The following PCDHGA1 variants were observed in gnomAD, a reference collection of about 807,000 sequenced individuals.
The protein encoded by PCDHGA1 is protocadherin gamma subfamily A, 1.
In PCDHGA1, 32 loss-of-function variants were observed where a neutral mutation model predicts 58.0. The observed-to-expected ratio is 0.55, with a 90% CI of 0.42 to 0.74. PCDHGA1 has a LOEUF of 0.74. Ranked by LOEUF, PCDHGA1 falls within the 30% of genes least tolerant of loss-of-function variation. The pLI is 0.00. For synonymous variants in PCDHGA1, 498 were observed against 501.1 expected (o/e 0.99, Z 0.08); for missense variants, 1,205 against 1,182.3 (o/e 1.02, Z -0.28).
intron 3 of PCDHGA1, among the ~76,000 whole-genome samples, chr5:141,509,429 T>G (rs2099876771): frequency 6.6e-6 from 1 of 151,964 alleles, no homozygotes; most frequent in Non-Finnish European, 1.5e-5. Context: ...TGAGTCAAAC[T>G]CTTGTTTCCT....
At chr5:141,420,301 C>CT (rs768732518) in intron 1 of PCDHGA1, 1 of 1,462,190 alleles carries the variant, frequency 6.8e-7, no homozygotes, top group African/African-American at 1.4e-5. Flanking sequence ...GTATTTAATC[C>CT]TTTTTATATT....
At chr5:141,383,385 G>T (rs1779091849) in intron 1 of PCDHGA1, 4 of 1,613,960 alleles carry the variant, frequency 2.5e-6, no homozygotes, top group Non-Finnish European at 3.4e-6. Context: ...ATCCAGATGT[G>T]GGCACGAACT....
At chr5:141,365,311 T>C in intron 1 of PCDHGA1, 1 of 1,613,980 alleles carries the variant, frequency 6.2e-7, no homozygotes, top group Non-Finnish European at 8.5e-7. Flanking sequence ...GAGGCGCTCT[T>C]GTTGCCAGCG....
chr5:141,418,666 G>C, intron 1 of PCDHGA1: 1 of 1,614,038 alleles, frequency 6.2e-7, no homozygotes, highest in Non-Finnish European at 8.5e-7. Context: ...CCACTGACCA[G>C]GACGAGGGCA....
In PCDHGA1 at chr5:141,487,087, C is replaced by G. The variant is rs752261507; in HGVS notation, c.2422-7720C>G. 1.2e-6 allele frequency: 2 copies of G among 1,613,890 alleles called. No homozygotes were observed. Among genetic ancestry groups the G allele is most frequent in the Non-Finnish European group, 1.7e-6 (2 of 1,179,804 alleles). ...CGGCTGTTCCTATCCCAGCTGACCT[C>G]CCACCACAGAAGCTGGTCATTGTGG... On this transcript the variant is annotated intron_variant, in intron 1 of 3. Transcript: ENST00000517417. The surrounding 1 kb of genome is among the most constrained non-coding windows in gnomAD (Gnocchi z 5.0).
At chr5:141,372,801 T>A in intron 1 of PCDHGA1, 1 of 1,594,978 alleles carries the variant, frequency 6.3e-7, no homozygotes, top group Non-Finnish European at 8.5e-7. Context: ...TTCAGGCAAT[T>A]TGCAAAAGGT....
At chr5:141,371,426 C>T (rs1210982594) in intron 1 of PCDHGA1, 34 of 1,613,774 alleles carry the variant, frequency 2.1e-5, no homozygotes, top group Non-Finnish European at 2.7e-5. Flanking sequence ...ATGACAATGC[C>T]CCGGAGATAA....
intron 1 of PCDHGA1, chr5:141,417,070 G>A (rs1324168481): frequency 6.6e-6 from 1 of 151,864 alleles, no homozygotes; most frequent in Non-Finnish European, 1.5e-5. Flanking sequence ...TGTAGCTATT[G>A]TGAGAAAATA....
intron 1 of PCDHGA1, chr5:141,375,068 G>A: frequency 6.2e-7 from 1 of 1,614,016 alleles, no homozygotes; most frequent in Non-Finnish European, 8.5e-7. Flanking sequence ...AGGTCTTCGA[G>A]ACAGAGCGAA....
At chr5:141,360,620 T>A (rs759358436) in intron 1 of PCDHGA1, 2 of 1,613,908 alleles carry the variant, frequency 1.2e-6, no homozygotes, top group Non-Finnish European at 1.7e-6. Flanking sequence ...GATTCAGATG[T>A]TGGTCCTAAC....
chr5:141,338,733 T>C, intron 1 of PCDHGA1: 1 of 1,034,508 alleles, frequency 9.7e-7, no homozygotes, highest in Non-Finnish European at 1.2e-6. Flanking sequence ...GTTGACCACC[T>C]AAGGAGTAAA....
At position 141,490,479 on chromosome 5, in the gene PCDHGA1, C is replaced by T; in HGVS notation, c.2422-4328C>T. 11 of 1,614,216 alleles carry T rather than the reference C, an allele frequency of 6.8e-6. No homozygotes were observed. Among genetic ancestry groups the T allele is most frequent in the Non-Finnish European group, 9.3e-6 (11 of 1,180,032 alleles). ...CGCTGCTAACCAGCCAGCCTTTGGACCGGGAGGCCACATCCCACTATATCA... is the reference window on the plus strand; with the variant it reads ...CGCTGCTAACCAGCCAGCCTTTGGATCGGGAGGCCACATCCCACTATATCA... On this transcript the variant is annotated intron_variant, in intron 1 of 3. Coordinates refer to ENST00000517417, the MANE Select transcript of PCDHGA1 (RefSeq NM_018912.3). This position sits in a 1 kb window ranked among gnomAD's most constrained non-coding sequence, Gnocchi z 5.4.
chr5:141,357,723 T>A (rs979364296), intron 1 of PCDHGA1: 3 of 1,391,112 alleles, frequency 2.2e-6, no homozygotes, highest in Non-Finnish European at 2.9e-6. Flanking sequence ...AAGTTGCCTC[T>A]TTTAATATTT....
rs1205836590 is a variant in PCDHGA1 at position 141,476,270 on chromosome 5, G to A, written c.2422-18537G>A. The A allele has an allele frequency of 6.2e-7, 1 of 1,614,088 alleles. No individual in the cohort carries two copies. Among genetic ancestry groups the A allele is most frequent in the Admixed American group, 1.7e-5 (1 of 60,026 alleles). Reference sequence around the variant, plus strand: ...GGGTTTCGCTGTGGGCAACGTGGTCGCGAACCTTGGTTTGGATCTCGGTAG... The same window carrying A: ...GGGTTTCGCTGTGGGCAACGTGGTCACGAACCTTGGTTTGGATCTCGGTAG... On this transcript the variant is annotated intron_variant, in intron 1 of 3. Transcript: ENST00000517417. The surrounding 1 kb of genome is among the most constrained non-coding windows in gnomAD (Gnocchi z 7.6).
chr5:141,439,773 C>G (rs1323463060), intron 1 of PCDHGA1: 2 of 152,344 alleles, frequency 1.3e-5, no homozygotes, highest in East Asian at 3.9e-4. Flanking sequence ...TCCTTCTTGG[C>G]TGGAGATTCT....
intron 1 of PCDHGA1, chr5:141,355,456 A>G: frequency 6.2e-7 from 1 of 1,614,078 alleles, no homozygotes; most frequent in Non-Finnish European, 8.5e-7. Context: ...CACCTTGGTC[A>G]CCGCGGGTAG....
intron 1 of PCDHGA1, chr5:141,361,013 A>T: frequency 6.2e-7 from 1 of 1,613,268 alleles, no homozygotes; most frequent in Non-Finnish European, 8.5e-7. Flanking sequence ...CACTTTTTCA[A>T]CTTAAATGAA....
chr5:141,437,094 G>A (rs1183502010), intron 1 of PCDHGA1, among the ~76,000 whole-genome samples: 3 of 152,126 alleles, frequency 2.0e-5, no homozygotes, highest in African/African-American at 4.8e-5. Context: ...TGAAACTAAC[G>A]GCTTAGCTTT....
chr5:141,490,726 AATCAGG>A lies in PCDHGA1; in HGVS notation c.2422-4080_2422-4075del. The A allele has an allele frequency of 6.2e-7, 1 of 1,614,202 alleles. No homozygotes were observed. The highest frequency in any genetic ancestry group is 8.5e-7 in the Non-Finnish European group (1 of 1,180,032). On this transcript the variant is annotated intron_variant, in intron 1 of 3. Transcript: ENST00000517417. This position sits in a 1 kb window ranked among gnomAD's most constrained non-coding sequence, Gnocchi z 5.4. Reference sequence around the variant, plus strand: ...CCGCCTCACCTACTCCATTGTAGGAAATCAGGTTCAGGGAGCCCCAGCCTCCTCCTT... The same window carrying A: ...CCGCCTCACCTACTCCATTGTAGGAATTCAGGGAGCCCCAGCCTCCTCCTT...
Sources: gnomAD v4.1 joint callset for allele counts (sites outside exome capture counted in the v4.1 genomes callset) on GRCh38, gnomAD v4.1.1 for gene constraint, Gnocchi (gnomAD v3.1) non-coding constraint, MANE v1.5 for transcripts, NCBI Gene and HGNC (gene_info 2026-07-23, HGNC 2026-07-21) for gene names.